TENM3: variants seen among roughly 807,000 people sequenced by gnomAD.
TENM3 encodes teneurin transmembrane protein 3.
A neutral mutation model predicts 255.1 loss-of-function variants in TENM3; 63 were observed. The ratio of observed to expected loss-of-function variants is 0.25; its 90% CI spans 0.20 to 0.30. TENM3 has a LOEUF of 0.30. Ranked by LOEUF, TENM3 falls within the 10% of genes least tolerant of loss-of-function variation. The pLI, the probability that TENM3 is intolerant of heterozygous loss-of-function variation, is 1.00. For missense variants in TENM3, 2,929 were observed against 3,461.1 expected, an observed-to-expected ratio of 0.85 and a Z score of 3.86; for synonymous variants, 1,306 against 1,322.3, an observed-to-expected ratio of 0.99 and a Z score of 0.27.
At chr4:182,680,437 A>ACCG in intron 9 of TENM3, 88 bp downstream of exon 9, 1 of 1,112,436 alleles carries the variant, frequency 9.0e-7, no homozygotes, top group Non-Finnish European at 1.3e-6. Context: ...CAGGAAAGAA[A>ACCG]GGGGGGGGGA....
chr4:181,960,891 A>G, the TENM3 span, among the ~76,000 whole-genome samples: 7 of 152,256 alleles, frequency 4.6e-5, no homozygotes, highest in East Asian at 1.4e-3. Context: ...TCATCTCCCC[A>G]GCAACTCTGG....
the TENM3 span, among the ~76,000 whole-genome samples, chr4:181,885,712 T>C: frequency 1.3e-5 from 2 of 152,214 alleles, no homozygotes; most frequent in Non-Finnish European, 2.9e-5. Context: ...AAATAACATC[T>C]TAAGTTGAAA....
chr4:182,138,620 C>G, the TENM3 span, among the ~76,000 whole-genome samples: 1 of 152,252 alleles, frequency 6.6e-6, no homozygotes, highest in African/African-American at 2.4e-5. Context: ...ACACTTCTTA[C>G]CACTAAAAAT....
chr4:182,497,799 C>T (rs534520671), intron 3 of TENM3, among the ~76,000 whole-genome samples: 6 of 146,170 alleles, frequency 4.1e-5, no homozygotes, highest in East Asian at 4.0e-4. Context: ...TATGTAGACA[C>T]GTGATGTATA....
the TENM3 span, among the ~76,000 whole-genome samples, chr4:182,135,492 G>GA: frequency 3.5e-4 from 53 of 152,242 alleles, no homozygotes; most frequent in African/African-American, 1.1e-3. Flanking sequence ...TAGTCTCTTA[G>GA]AAAAATCAGC....
chr4:181,705,767 A>G, the TENM3 span, among the ~76,000 whole-genome samples: 6 of 152,156 alleles, frequency 3.9e-5, no homozygotes, highest in Admixed American at 3.9e-4. Context: ...TAAAATTTAT[A>G]TGCCTGTTTA....
the TENM3 span, among the ~76,000 whole-genome samples, chr4:181,616,627 C>G: frequency 6.6e-6 from 1 of 152,114 alleles, no homozygotes; most frequent in South Asian, 2.1e-4. Context: ...CGTCTGCAAG[C>G]TGGAGAACCA....
the TENM3 span, chr4:181,522,583 G>A: frequency 2.4e-6 from 1 of 420,958 alleles, no homozygotes; most frequent in Non-Finnish European, 4.5e-6. Context: ...CAGTAAATTT[G>A]GAGAAATAGA....
At chr4:181,899,539 GTTTTGTTTTTTGTTTTGTTTTGTT>G in the TENM3 span, among the ~76,000 whole-genome samples, 2 of 151,500 alleles carry the variant, frequency 1.3e-5, no homozygotes, top group African/African-American at 4.8e-5. Context: ...TTGTTTTGTT[GTTTTGTTTTTTGTTTTGTTTTGTT>G]TTTTGTTTTT....
rs866899354 is a variant in TENM3, at chr4:182,728,973, A to G, written c.2377A>G (p.Ile793Val). The G allele has an allele frequency of 1.2e-5, 20 of 1,613,660 alleles. 1 individual carries two copies. The highest frequency in any genetic ancestry group is 1.6e-4 in the Middle Eastern group (1 of 6,082). The change falls in exon 14 of 28, where the codon ATT becomes GTT. Residue 793 changes from isoleucine (I) to valine (V), a missense_variant. Ile to Val is a conservative substitution (Grantham distance 29, BLOSUM62 3). Around this residue, in one of 6 missense-constraint regions of TENM3, gnomAD observed 1,608 missense variants for 1,884.4 expected, o/e 0.85. Coordinates refer to ENST00000511685, the MANE Select transcript of TENM3 (RefSeq NM_001080477.4). ...DSKDNEGDGL[I>V]DCMDPDCCLQ... The stretch of plus-strand genomic sequence containing the variant: ...AACATTTCTCTCTACAGATGGACTC[A>G]TTGACTGCATGGATCCCGATTGCTG...
At chr4:182,409,215 A>G (rs1314622243) in intron 3 of TENM3, among the ~76,000 whole-genome samples, 1 of 152,158 alleles carries the variant, frequency 6.6e-6, no homozygotes, top group Non-Finnish European at 1.5e-5. Context: ...TTTTGGTCTT[A>G]TCTCCCAACC....
chr4:181,483,474 A>T, the TENM3 span, among the ~76,000 whole-genome samples: 2 of 152,156 alleles, frequency 1.3e-5, no homozygotes, highest in Non-Finnish European at 2.9e-5. Context: ...AGTCTTAGAA[A>T]TAATTCTGAG....
intron 3 of TENM3, among the ~76,000 whole-genome samples, chr4:182,425,526 G>A (rs1166670232): frequency 6.6e-6 from 1 of 152,164 alleles, no homozygotes; most frequent in Admixed American, 6.5e-5. Flanking sequence ...GTTGTAGTAT[G>A]TGCTGCCTTT....
At chr4:182,401,961 C>G (rs1489905905) in intron 3 of TENM3, among the ~76,000 whole-genome samples, 3 of 152,196 alleles carry the variant, frequency 2.0e-5, no homozygotes, top group African/African-American at 7.2e-5. Flanking sequence ...TTTTGACCAG[C>G]CTACTTCACT....
At chr4:181,924,115 G>A in the TENM3 span, among the ~76,000 whole-genome samples, 8 of 152,098 alleles carry the variant, frequency 5.3e-5, no homozygotes, top group Admixed American at 5.2e-4. Flanking sequence ...ATGATGTCAA[G>A]TCTCTCTCTG....
chr4:182,364,898 C>G (rs1766319521), intron 3 of TENM3, among the ~76,000 whole-genome samples: 1 of 152,124 alleles, frequency 6.6e-6, no homozygotes, highest in African/African-American at 2.4e-5. Flanking sequence ...AAATCTTTGC[C>G]TCTAATTCTG....
At chr4:182,185,947 C>T (rs956532905) in intron 1 of TENM3, among the ~76,000 whole-genome samples, 1 of 152,168 alleles carries the variant, frequency 6.6e-6, no homozygotes, top group Non-Finnish European at 1.5e-5. Context: ...ACTACATTTA[C>T]CAATACATTA....
intron 6 of TENM3, among the ~76,000 whole-genome samples, chr4:182,663,073 G>C (rs1360001757): frequency 6.6e-6 from 1 of 152,100 alleles, no homozygotes; most frequent in Non-Finnish European, 1.5e-5. Flanking sequence ...TCACTGATTA[G>C]AAAGAGAGGT....
chr4:182,379,044 A>G (rs1376400271), intron 3 of TENM3, among the ~76,000 whole-genome samples: 2 of 152,200 alleles, frequency 1.3e-5, no homozygotes. Context: ...TTGGACTTTC[A>G]TAAAAACTCG....
Sources: allele counts gnomAD v4.1 joint callset (sites outside exome capture counted in the v4.1 genomes callset), GRCh38; gene constraint gnomAD v4.1.1; regional missense constraint gnomAD v4.1.1; transcripts MANE v1.5; gene names NCBI Gene and HGNC (gene_info 2026-07-23, HGNC 2026-07-21).